The following PCDHA3 variants were observed in gnomAD, a reference collection of about 807,000 sequenced individuals.
The protein encoded by PCDHA3 is protocadherin alpha 3.
PCDHA3 carries 41 observed loss-of-function variants against 62.2 expected under a neutral mutation model. The ratio of observed to expected loss-of-function variants is 0.66; its 90% CI spans 0.51 to 0.86. The LOEUF is 0.86. Among genes scored for constraint, PCDHA3 ranks in the 40% least tolerant of loss-of-function variants. The pLI is 0.00. For synonymous variants in PCDHA3, 640 were observed against 555.4 expected, an observed-to-expected ratio of 1.15 and a Z score of -2.14; for missense variants, 1,304 against 1,241.2, an observed-to-expected ratio of 1.05 and a Z score of -0.76.
At chr5:140,817,865 A>G (rs1766220471) in intron 1 of PCDHA3, among the ~76,000 whole-genome samples, 1 of 152,208 alleles carries the variant, frequency 6.6e-6, no homozygotes, top group African/African-American at 2.4e-5. Context: ...AGTTTTGGGT[A>G]TTGAATGAAA....
chr5:140,890,565 T>C (rs1381687393), intron 1 of PCDHA3, among the ~76,000 whole-genome samples: 1 of 152,194 alleles, frequency 6.6e-6, no homozygotes, highest in Non-Finnish European at 1.5e-5. Context: ...TATTGTTCCA[T>C]TTCCTTCTGT....
chr5:140,817,766 AT>A (rs2150099006), intron 1 of PCDHA3, among the ~76,000 whole-genome samples: 8 of 152,166 alleles, frequency 5.3e-5, no homozygotes, highest in Non-Finnish European at 1.2e-4. Context: ...AGAAATTAAC[AT>A]TTCCTTTAGT....
chr5:140,850,123 C>A (rs2150468826), intron 1 of PCDHA3: 9 of 1,595,920 alleles, frequency 5.6e-6, no homozygotes, highest in African/African-American at 2.7e-5. Context: ...GCGGGCGTGC[C>A]GCCTCTGGGC....
chr5:140,840,505 T>G (rs1776737088), intron 1 of PCDHA3, among the ~76,000 whole-genome samples: 1 of 152,026 alleles, frequency 6.6e-6, no homozygotes, highest in African/African-American at 2.4e-5. Flanking sequence ...AATACTCACT[T>G]TTTGGAGCAG....
rs2150352626 is a variant in PCDHA3, at chr5:140,843,105, G to T, written c.2394+39514G>T. On this transcript the variant is annotated intron_variant, in intron 1 of 3. Coordinates refer to ENST00000522353, the MANE Select transcript of PCDHA3 (RefSeq NM_018906.3). ...GCGGGCCACGTGGTAGCGAAGGTGC[G>T]CGCAGTGGACGCCGACTCGGGCTAC... 11 of 1,595,772 alleles carry T rather than the reference G, an allele frequency of 6.9e-6. 2 individuals carry two copies. Among genetic ancestry groups the T allele is most frequent in the Non-Finnish European group, 9.4e-6 (11 of 1,165,508 alleles).
intron 1 of PCDHA3, among the ~76,000 whole-genome samples, chr5:140,909,407 T>C (rs1004172644): frequency 3.3e-5 from 5 of 152,172 alleles, no homozygotes; most frequent in Non-Finnish European, 7.3e-5. Context: ...GCAATTGCAG[T>C]TACCATTTGG....
intron 1 of PCDHA3, among the ~76,000 whole-genome samples, chr5:140,893,520 T>G (rs1490032872): frequency 6.6e-6 from 1 of 152,152 alleles, no homozygotes; most frequent in Non-Finnish European, 1.5e-5. Flanking sequence ...GTTGTAGAAC[T>G]CCTTTAAGTA....
In PCDHA3 at chr5:140,876,831, T is replaced by G. The variant is rs201991889; in HGVS notation, c.2394+73240T>G. Reference sequence around the variant, plus strand: ...TGGCCGACGTGAACGACAATGCGCCTGCGTTCGCGCAGCCCGAGTACACAG... The same window carrying G: ...TGGCCGACGTGAACGACAATGCGCCGGCGTTCGCGCAGCCCGAGTACACAG... On this transcript the variant is annotated intron_variant, in intron 1 of 3. Coordinates refer to ENST00000522353, the MANE Select transcript of PCDHA3 (RefSeq NM_018906.3). 1.5e-4 allele frequency: 250 copies of G among 1,614,080 alleles called. 4 individuals are homozygous for G. In the East Asian group the frequency reaches 3.4e-3, roughly 22 times the overall value.
At chr5:141,006,215 TA>T (rs200576602) in intron 3 of PCDHA3, among the ~76,000 whole-genome samples, 4 of 151,640 alleles carry the variant, frequency 2.6e-5, no homozygotes, top group South Asian at 2.1e-4. Flanking sequence ...CATTTTTTTT[TA>T]AATTTTTTAT....
At chr5:140,919,124 A>G (rs1195742790) in intron 1 of PCDHA3, among the ~76,000 whole-genome samples, 1 of 151,996 alleles carries the variant, frequency 6.6e-6, no homozygotes, top group Non-Finnish European at 1.5e-5. Flanking sequence ...TTTTTGCTTC[A>G]TGTGTTTTGG....
intron 1 of PCDHA3, among the ~76,000 whole-genome samples, chr5:140,937,010 C>A (rs2091260078): frequency 6.6e-6 from 1 of 151,324 alleles, no homozygotes; most frequent in Non-Finnish European, 1.5e-5. Context: ...GACAGACAAC[C>A]GATTAACAAG....
rs1167217103 is a variant in PCDHA3, at chr5:140,852,143, C to G, written c.2394+48552C>G. 4 of 873,950 alleles carry G rather than the reference C, an allele frequency of 4.6e-6. No individual in the cohort carries two copies. The African/African-American group carries it at 7.3e-5, about 16-fold the overall frequency. 54.1% of individuals were successfully genotyped at this position (873,950 alleles called of 1,614,324 possible). A position where few individuals can be genotyped will look rare whatever the true frequency, so the allele number is the denominator to read the frequency against. ...AATTAAAAACTCAGTAGAGAAAGAT[C>G]AGAATGGCCTTGAGAATAGAGCCAC... is the stretch of plus-strand genomic sequence containing the variant. On this transcript the variant is annotated intron_variant, in intron 1 of 3. Transcript: ENST00000522353.
chr5:140,921,215 CT>C (rs2080099389), intron 1 of PCDHA3, among the ~76,000 whole-genome samples: 1 of 151,942 alleles, frequency 6.6e-6, no homozygotes, highest in Admixed American at 6.6e-5. Context: ...TAATTCACGT[CT>C]TTTTTGCTAG....
In PCDHA3 at chr5:140,802,733, G is replaced by A. The variant is rs1763012101; in HGVS notation, c.1536G>A (p.Ala512=). Residue 512 remains alanine (A), a synonymous_variant, in exon 1 of 4, where the codon GCG becomes GCA. Coordinates refer to ENST00000522353, the MANE Select transcript of PCDHA3 (RefSeq NM_018906.3). The stretch of plus-strand genomic sequence containing the variant: ...TGTCGAGCTACGTGTCGGTACACGC[G>A]GAGAGCGGCAAGGTGTACGCGCTGC... The part of the protein sequence containing the change: ...RALSSYVSVH[A]ESGKVYALQP... The A allele has an allele frequency of 1.9e-6, 3 of 1,612,488 alleles. No homozygotes were observed. The highest frequency in any genetic ancestry group is 2.2e-5 in the South Asian group (2 of 91,024).
intron 1 of PCDHA3, chr5:140,823,224 G>A (rs2150123702): frequency 6.2e-7 from 1 of 1,613,550 alleles, no homozygotes; most frequent in Non-Finnish European, 8.5e-7. Context: ...ACGCGGACGC[G>A]CAGGAGAACG....
Position 140,835,938 on chromosome 5 carries a change from G to C in PCDHA3, c.2394+32347G>C, listed in dbSNP as rs1298713019. The C allele has an allele frequency of 3.7e-6, 6 of 1,612,516 alleles. No individual in the cohort carries two copies. The South Asian group carries it at 6.6e-5, about 18-fold the overall frequency. On this transcript the variant is annotated intron_variant, in intron 1 of 3. Coordinates refer to ENST00000522353, the MANE Select transcript of PCDHA3 (RefSeq NM_018906.3). The stretch of plus-strand genomic sequence containing the variant: ...GCACGCGGAGAGCGGCAAGGTGTAC[G>C]CGCTGCAGCCGTTGGACCACGAGGA...
At chr5:140,882,652 C>T (rs781900873) in intron 1 of PCDHA3, 1 of 1,614,216 alleles carries the variant, frequency 6.2e-7, no homozygotes, top group Non-Finnish European at 8.5e-7. Flanking sequence ...ACATTAACGA[C>T]AACCCGCCCA....
intron 1 of PCDHA3, among the ~76,000 whole-genome samples, chr5:140,920,334 T>A (rs2079581280): frequency 6.6e-6 from 1 of 152,212 alleles, no homozygotes; most frequent in South Asian, 2.1e-4. Context: ...TTATGGCATT[T>A]CTTATTTGTC....
At chr5:140,851,107 T>C in intron 1 of PCDHA3, 2 of 1,299,568 alleles carry the variant, frequency 1.5e-6, no homozygotes, top group Non-Finnish European at 2.0e-6. Context: ...TTTTGGGTGC[T>C]GAATCAATTT....
Sources: gnomAD v4.1 joint callset for allele counts (sites outside exome capture counted in the v4.1 genomes callset) on GRCh38, gnomAD v4.1.1 for gene constraint, MANE v1.5 for transcripts, NCBI Gene and HGNC (gene_info 2026-07-23, HGNC 2026-07-21) for gene names.